The following USF3 variants were observed in gnomAD, a reference collection of about 807,000 sequenced individuals.
USF3 encodes basic helix-loop-helix domain-containing protein USF3.
USF3 carries 29 observed loss-of-function variants against 157.5 expected under a neutral mutation model. That is an observed-to-expected ratio of 0.18 (90% CI 0.14 to 0.25). The LOEUF is 0.25. Ranked by LOEUF, USF3 falls within the 10% of genes least tolerant of loss-of-function variation. The probability of loss-of-function intolerance (pLI) is 1.00; values close to 1 mark genes in which losing one functional copy is unlikely to be tolerated. For missense variants in USF3, 2,381 were observed against 2,667.6 expected (o/e 0.89, Z 2.37); for synonymous variants, 893 against 941.4 (o/e 0.95, Z 0.94).
chr3:113,659,802 G>A lies in USF3; in HGVS notation c.1880C>T (p.Thr627Ile). ...NSVQNVPTPQ[T>I]FGGKHLVHIL... is the part of the protein sequence containing the mutation. The stretch of plus-strand genomic sequence containing the variant: ...GTGGACAAGATGCTTTCCTCCAAAA[G>A]TCTGTGGTGTTGGAACATTTTGCAC... The change falls in exon 7 of 7, where the codon ACT (threonine) becomes ATT (isoleucine). Residue 627 changes from threonine to isoleucine, a missense_variant. Transcript: ENST00000316407. The A allele has an allele frequency of 6.2e-7, 1 of 1,614,224 alleles. No homozygotes were observed. Among genetic ancestry groups the A allele is most frequent in the Non-Finnish European group, 8.5e-7 (1 of 1,180,006 alleles).
At chr3:113,673,639 G>A (rs574230680) in intron 3 of USF3, among the ~76,000 whole-genome samples, 28 of 152,252 alleles carry the variant, frequency 1.8e-4, no homozygotes, top group Non-Finnish European at 3.4e-4. Context: ...TCATAGGTGG[G>A]GAAATGAATC....
intron 5 of USF3, among the ~76,000 whole-genome samples, chr3:113,669,886 T>C (rs1707109249): frequency 6.6e-6 from 1 of 152,204 alleles, no homozygotes; most frequent in South Asian, 2.1e-4. Context: ...GTGATTAATT[T>C]AGTAATCAAG....
In USF3 at chr3:113,654,747, GAA is replaced by G. The variant is rs1947322176; in HGVS notation, c.*195_*196del. ...AAATAAAAAAGTACACCATGCAGTT[GAA>G]AACGAAAGATAACTTGTTTTCTGAC... On this transcript the variant is annotated 3_prime_UTR_variant, in exon 7 of 7. Transcript: ENST00000316407. 1 of 560,258 alleles carries G rather than the reference GAA, an allele frequency of 1.8e-6. No individual in the cohort carries two copies. Among genetic ancestry groups the G allele is most frequent in the African/African-American group, 1.9e-5 (1 of 52,952 alleles). 34.7% of individuals were successfully genotyped at this position (560,258 alleles called of 1,614,324 possible). A position where few individuals can be genotyped will look rare whatever the true frequency, so the allele number is the denominator to read the frequency against.
intron 1 of USF3, among the ~76,000 whole-genome samples, chr3:113,682,864 T>C (rs1255608270): frequency 6.6e-6 from 1 of 152,002 alleles, no homozygotes; most frequent in East Asian, 1.9e-4. Context: ...AAGAGAAGTG[T>C]GTTTGTTGTA....
At position 113,655,538 on chromosome 3, in the gene USF3, AGGTACTTGT is replaced by A. The variant is rs746855846; in HGVS notation, c.6135_6143del (p.Gln2046_Pro2048del). On this transcript the variant is annotated inframe_deletion, in exon 7 of 7. Transcript: ENST00000316407. The stretch of plus-strand genomic sequence containing the variant: ...GCTGGTCAGGACCTGAATTATCATT[AGGTACTTGT>A]GGGCTATCAGGCATGAAACGAACAA... 6.2e-7 allele frequency: 1 copy of A among 1,614,198 alleles called. No homozygotes were observed. Among genetic ancestry groups the A allele is most frequent in the Admixed American group, 1.7e-5 (1 of 60,016 alleles).
chr3:113,662,116 G>A (rs1947495666), intron 6 of USF3, among the ~76,000 whole-genome samples: 1 of 152,130 alleles, frequency 6.6e-6, no homozygotes, highest in Admixed American at 6.5e-5. Context: ...CAAAGTGCTG[G>A]GATTACAGGC....
Position 113,682,835 on chromosome 3 carries a change from T to C in USF3, c.-134-5438A>G, listed in dbSNP as rs371735539. Among the ~76,000 whole-genome samples the C allele has an allele frequency of 1.4e-4, 22 of 152,210 alleles. No homozygotes were observed. In the East Asian group the frequency reaches 4.0e-3, roughly 28 times the overall value. On this transcript the variant is annotated intron_variant, in intron 1 of 6. Transcript: ENST00000316407. ...TCCATCCCCTTATTTTCAGTCTATG[T>C]GTGTCTGTGTGTCTTCATAAGAGAA...
intron 4 of USF3, among the ~76,000 whole-genome samples, chr3:113,670,661 C>T (rs1226475547): frequency 6.6e-6 from 1 of 151,966 alleles, no homozygotes; most frequent in Non-Finnish European, 1.5e-5. Flanking sequence ...GCTTATCAAA[C>T]ATTATCTACT....
intron 1 of USF3, among the ~76,000 whole-genome samples, chr3:113,693,707 C>G (rs1462817799): frequency 6.6e-6 from 1 of 152,146 alleles, no homozygotes; most frequent in Non-Finnish European, 1.5e-5. Flanking sequence ...ATACCGTAAG[C>G]CTAAAGAGAA....
intron 1 of USF3, among the ~76,000 whole-genome samples, chr3:113,688,493 A>C (rs1707609106): frequency 6.6e-6 from 1 of 152,216 alleles, no homozygotes; most frequent in Non-Finnish European, 1.5e-5. Context: ...AGTGGTTCTG[A>C]AAACTGAATA....
At position 113,659,093 on chromosome 3, in the gene USF3, A is replaced by T; in HGVS notation, c.2589T>A (p.Ala863=). 1 of 1,614,212 alleles carries T rather than the reference A, an allele frequency of 6.2e-7. No homozygotes were observed. Among genetic ancestry groups the T allele is most frequent in the Non-Finnish European group, 8.5e-7 (1 of 1,180,014 alleles). The change falls in exon 7 of 7, where the codon GCT becomes GCA. Residue 863 remains alanine (A), a synonymous_variant. Transcript: ENST00000316407. ...VSQANSVSVS[A]SHSLGVLSSE... ...AGCTTAGAACACCCAAAGAATGTGAAGCAGAAACACTCACACTATTTGCCT... is the reference window on the plus strand; with the variant it reads ...AGCTTAGAACACCCAAAGAATGTGATGCAGAAACACTCACACTATTTGCCT...
At chr3:113,677,587 G>A (rs910871556) in intron 1 of USF3, among the ~76,000 whole-genome samples, 190 bp from the exon 2 acceptor site, 13 of 152,164 alleles carry the variant, frequency 8.5e-5, no homozygotes, top group African/African-American at 2.7e-4. Context: ...ATTGGTTACC[G>A]ATGCTCCATC....
Position 113,668,933 on chromosome 3 carries a change from A to G in USF3, c.159+1188T>C, listed in dbSNP as rs188145905. On this transcript the variant is annotated intron_variant, in intron 5 of 6. Transcript: ENST00000316407. ...CAGAAGTAAAGTCTTGAAGAAAGAA[A>G]ATGGCAAATGAAAATTATGTAGTAC... Among the ~76,000 whole-genome samples, 174 of 152,278 alleles carry G rather than the reference A, an allele frequency of 1.1e-3. 1 individual carries two copies. The highest frequency in any genetic ancestry group is 1.6e-3 in the Non-Finnish European group (109 of 68,014).
chr3:113,652,858 A>G lies in USF3; in HGVS notation c.*2086T>C. 3.8e-6 allele frequency: 1 copy of G among 263,844 alleles called. No individual in the cohort carries two copies. The highest frequency in any genetic ancestry group is 5.2e-5 in the Admixed American group (1 of 19,220). The allele number at this position is 263,844 out of a possible 1,614,324, so 16.3% of individuals were successfully genotyped here. ...GTAATCTCAGCTACTCGGGAGGCTGAGGCTCAAGAATTTGCTTGAACCCAG... is the reference window on the plus strand; with the variant it reads ...GTAATCTCAGCTACTCGGGAGGCTGGGGCTCAAGAATTTGCTTGAACCCAG... On this transcript the variant is annotated 3_prime_UTR_variant, in exon 7 of 7. Coordinates refer to ENST00000316407, the MANE Select transcript of USF3 (RefSeq NM_001009899.4).
At chr3:113,696,210 G>A (rs1466109022) in intron 1 of USF3, among the ~76,000 whole-genome samples, 160 bp downstream of exon 1, 1 of 152,028 alleles carries the variant, frequency 6.6e-6, no homozygotes, top group African/African-American at 2.4e-5. Context: ...CGCACGCAAG[G>A]GTCCCCAGGA....
intron 6 of USF3, among the ~76,000 whole-genome samples, chr3:113,661,974 G>A (rs1242589256): frequency 6.6e-6 from 1 of 152,140 alleles, no homozygotes; most frequent in African/African-American, 2.4e-5. Context: ...AGCCTCCCGA[G>A]TAGCTGAGAT....
chr3:113,651,953 C>T lies in USF3; in HGVS notation c.*2991G>A, dbSNP rs1014381559. Reference sequence around the variant, plus strand: ...AAGCAGGAAAATACAATTAATGCAACAGAAATACTTGAAAGTCACAGGCTT... The same window carrying T: ...AAGCAGGAAAATACAATTAATGCAATAGAAATACTTGAAAGTCACAGGCTT... On this transcript the variant is annotated 3_prime_UTR_variant, in exon 7 of 7. Transcript: ENST00000316407. The T allele has an allele frequency of 6.6e-6, 1 of 152,182 alleles. No individual in the cohort carries two copies. Among genetic ancestry groups the T allele is most frequent in the East Asian group, 1.9e-4 (1 of 5,192 alleles). 9.4% of individuals were successfully genotyped at this position (152,182 alleles called of 1,614,324 possible). A position where few individuals can be genotyped will look rare whatever the true frequency, so the allele number is the denominator to read the frequency against.
Position 113,658,037 on chromosome 3 carries a change from A to C in USF3, c.3645T>G (p.Cys1215Trp). ...TMERPLEKPS[C>W]SLGIKTSNAS... ...CATTTGATGTTTTAATTCCTAGAGA[A>C]CAACTTGGTTTCTCAAGGGGCCTCT... The change falls in exon 7 of 7, where the codon TGT becomes TGG. Residue 1215 changes from cysteine (C) to tryptophan (W), a missense_variant. Physicochemically the swap from Cys to Trp is radical, Grantham distance 215. Transcript: ENST00000316407. The C allele has an allele frequency of 6.2e-7, 1 of 1,614,134 alleles. No homozygotes were observed. Among genetic ancestry groups the C allele is most frequent in the Non-Finnish European group, 8.5e-7 (1 of 1,180,024 alleles).
chr3:113,687,536 T>G (rs1389245183), intron 1 of USF3, among the ~76,000 whole-genome samples: 3 of 152,170 alleles, frequency 2.0e-5, no homozygotes, highest in African/African-American at 7.2e-5. Flanking sequence ...CATTTGCCTC[T>G]GTATCTATCT....
Sources: allele counts gnomAD v4.1 joint callset (sites outside exome capture counted in the v4.1 genomes callset), GRCh38; gene constraint gnomAD v4.1.1; transcripts MANE v1.5; gene names NCBI Gene and HGNC (gene_info 2026-07-23, HGNC 2026-07-21).